The following MGST1 variants were observed in gnomAD, a reference collection of about 807,000 sequenced individuals.
MGST1 encodes microsomal glutathione S-transferase 1, also known as glutathione S-transferase 12.
In MGST1, 5 loss-of-function variants were observed where a neutral mutation model predicts 8.9. The observed-to-expected ratio is 0.56, with a 90% CI of 0.29 to 1.19. The LOEUF (loss-of-function observed/expected upper bound fraction) is 1.19, where lower values mean the gene tolerates loss of function less well. Ranked by LOEUF, MGST1 falls within the 50% of genes most tolerant of loss-of-function variation. MGST1 has a pLI of 0.08. For synonymous variants in MGST1, 54 were observed against 67.8 expected (o/e 0.80, Z 1.00); for missense variants, 182 against 187.4 (o/e 0.97, Z 0.17).
downstream of MGST1, among the ~76,000 whole-genome samples, chr12:16,367,881 G>C (rs1455393672): frequency 1.6e-5 from 2 of 125,184 alleles, no homozygotes; most frequent in Non-Finnish European, 1.5e-5. Flanking sequence ...GCTTGGATAG[G>C]TATAGTCAAT....
chr12:16,459,940 A>G (rs1941206310), intron 4 of MGST1, among the ~76,000 whole-genome samples: 1 of 152,138 alleles, frequency 6.6e-6, no homozygotes, highest in Non-Finnish European at 1.5e-5. Flanking sequence ...TATTTTAGAA[A>G]TCTGAATGCT....
chr12:16,468,339 A>G (rs1374588841), intron 4 of MGST1, among the ~76,000 whole-genome samples: 3 of 152,326 alleles, frequency 2.0e-5, no homozygotes, highest in African/African-American at 7.2e-5. Context: ...TTTTTCAAAC[A>G]TAGAAATTAT....
At chr12:16,583,096 C>T (rs1591809536) in intron 4 of MGST1, among the ~76,000 whole-genome samples, 1 of 146,880 alleles carries the variant, frequency 6.8e-6, no homozygotes, top group Non-Finnish European at 1.5e-5. Context: ...GCATCCAAGA[C>T]AGTAGAAAGC....
At chr12:16,572,710 A>G (rs1223422653) in intron 4 of MGST1, among the ~76,000 whole-genome samples, 1 of 148,084 alleles carries the variant, frequency 6.8e-6, no homozygotes, top group Non-Finnish European at 1.5e-5. Flanking sequence ...ATTATATATA[A>G]TTTAAATATA....
intron 1 of MGST1, among the ~76,000 whole-genome samples, chr12:16,436,159 CTA>C (rs1290240986): frequency 1.3e-5 from 2 of 151,858 alleles, no homozygotes; most frequent in Non-Finnish European, 2.9e-5. Flanking sequence ...ATAGAACAAG[CTA>C]TTTGCTTTTC....
At chr12:16,451,452 CA>C (rs904297372) in intron 4 of MGST1, among the ~76,000 whole-genome samples, 7 of 151,640 alleles carry the variant, frequency 4.6e-5, no homozygotes, top group Non-Finnish European at 2.9e-5. Flanking sequence ...AAGGAATTCT[CA>C]AAAAAACTTT....
chr12:16,451,312 C>T (rs1162913498), intron 4 of MGST1, among the ~76,000 whole-genome samples: 1 of 151,852 alleles, frequency 6.6e-6, no homozygotes, highest in Admixed American at 6.6e-5. Context: ...AACTAGGTCC[C>T]ATGAGGCTAA....
chr12:16,501,098 G>GA lies in MGST1; in HGVS notation n.483-88410dup, dbSNP rs71054822. Among the ~76,000 whole-genome samples the GA allele has an allele frequency of 6.9e-3, 575 of 83,566 alleles. 2 individuals are homozygous for GA. The highest frequency in any genetic ancestry group is 0.023 in the African/African-American group (416 of 18,322). 54.8% of individuals were successfully genotyped at this position (83,566 alleles called of 152,430 possible). On this transcript the variant is annotated intron_variant and non_coding_transcript_variant, in intron 4 of 4. Coordinates refer to the MGST1 transcript ENST00000538857. Reference sequence around the variant, plus strand: ...AGCCTGGTGACAGGGACTCTGTCTCGAAAAAAAAAAAAAAAAAAAAGAAAG... The same window carrying GA: ...AGCCTGGTGACAGGGACTCTGTCTCGAAAAAAAAAAAAAAAAAAAAAGAAAG...
At chr12:16,498,561 C>T (rs189021169) in intron 4 of MGST1, among the ~76,000 whole-genome samples, 2 of 152,308 alleles carry the variant, frequency 1.3e-5, no homozygotes, top group Non-Finnish European at 2.9e-5. Flanking sequence ...CATCTCTTCT[C>T]AGGTACAGTT....
intron 1 of MGST1, among the ~76,000 whole-genome samples, chr12:16,417,175 C>T (rs1027176057): frequency 6.6e-6 from 1 of 152,090 alleles, no homozygotes; most frequent in African/African-American, 2.4e-5. Context: ...CACAGTTCCA[C>T]ATGGCTGGGA....
intron 4 of MGST1, among the ~76,000 whole-genome samples, chr12:16,525,534 A>G (rs1941680473): frequency 6.8e-6 from 1 of 146,302 alleles, no homozygotes; most frequent in African/African-American, 2.5e-5. Context: ...TTCTTAATCC[A>G]GTCTATCATT....
At position 16,458,558 on chromosome 12, in the gene MGST1, T is replaced by C. The variant is rs895553304; in HGVS notation, n.482+74954T>C. Reference sequence around the variant, plus strand: ...TAGGAAGGGTGTTAGTTCACTTCATTGCTTTATCAATGAATCTTGGCTGTA... The same window carrying C: ...TAGGAAGGGTGTTAGTTCACTTCATCGCTTTATCAATGAATCTTGGCTGTA... On this transcript the variant is annotated intron_variant and non_coding_transcript_variant, in intron 4 of 4. Transcript: ENST00000538857. The surrounding 1 kb of genome is among the most constrained non-coding windows in gnomAD (Gnocchi z 4.0). Among the ~76,000 whole-genome samples the C allele has an allele frequency of 2.0e-5, 3 of 152,156 alleles. No individual in the cohort carries two copies. Among genetic ancestry groups the C allele is most frequent in the African/African-American group, 7.2e-5 (3 of 41,536 alleles).
At position 16,447,615 on chromosome 12, in the gene MGST1, G is replaced by T. The variant is rs143139782; in HGVS notation, n.482+64011G>T. On this transcript the variant is annotated intron_variant and non_coding_transcript_variant, in intron 4 of 4. Transcript: ENST00000538857. Reference sequence around the variant, plus strand: ...CGGGATACCAGGGATTCCTAGCAAGGGCCCCAAGCTTGGCATAATAGATTT... The same window carrying T: ...CGGGATACCAGGGATTCCTAGCAAGTGCCCCAAGCTTGGCATAATAGATTT... Among the ~76,000 whole-genome samples, 3 of 151,952 alleles carry T rather than the reference G, an allele frequency of 2.0e-5. No homozygotes were observed. The East Asian group carries it at 5.8e-4, about 30-fold the overall frequency.
intron 1 of MGST1, among the ~76,000 whole-genome samples, chr12:16,398,939 C>T (rs1163447447): frequency 6.6e-6 from 1 of 152,180 alleles, no homozygotes; most frequent in African/African-American, 2.4e-5. Flanking sequence ...GGAAATACAG[C>T]TTTGAGACAC....
rs146531833 is a variant in MGST1 at position 16,375,543 on chromosome 12, T to C, written c.222-579T>C. On this transcript the variant is annotated intron_variant, in intron 3 of 3. Transcript: ENST00000535309. ...ATGAAAACAATCTTTTCAGTAATAG[T>C]ATTATTATTGGTAGTAGTGTTGATA... Among the ~76,000 whole-genome samples, 424 of 152,086 alleles carry C rather than the reference T, an allele frequency of 2.8e-3. 3 individuals are homozygous for C. The highest frequency in any genetic ancestry group is 9.8e-3 in the African/African-American group (408 of 41,504).
downstream of MGST1, among the ~76,000 whole-genome samples, chr12:16,366,889 T>A (rs1252470997): frequency 1.3e-5 from 2 of 151,762 alleles, no homozygotes; most frequent in Non-Finnish European, 2.9e-5. The surrounding 1 kb of genome is among the most constrained non-coding windows in gnomAD (Gnocchi z 4.0). Flanking sequence ...ATGATGGGAG[T>A]TTTGGGGGCA....
At chr12:16,447,924 ATGAT>A in intron 4 of MGST1, among the ~76,000 whole-genome samples, 1 of 152,096 alleles carries the variant, frequency 6.6e-6, no homozygotes, top group East Asian at 1.9e-4. Flanking sequence ...GTCTCAATCA[ATGAT>A]TGCTGAATAA....
chr12:16,449,534 G>C (rs1309005466), intron 4 of MGST1, among the ~76,000 whole-genome samples: 11 of 151,912 alleles, frequency 7.2e-5, no homozygotes, highest in Non-Finnish European at 4.4e-5. Context: ...TTCATAGTTA[G>C]TGAAAGGTGT....
At chr12:16,578,589 G>T (rs1001033388) in intron 4 of MGST1, among the ~76,000 whole-genome samples, 1 of 152,074 alleles carries the variant, frequency 6.6e-6, no homozygotes, top group Non-Finnish European at 1.5e-5. Context: ...AGGCTGAGGC[G>T]GGTGGATCAC....
Sources: gnomAD v4.1 joint callset for allele counts (sites outside exome capture counted in the v4.1 genomes callset) on GRCh38, gnomAD v4.1.1 for gene constraint, Gnocchi (gnomAD v3.1) non-coding constraint, MANE v1.5 for transcripts, NCBI Gene and HGNC (gene_info 2026-07-23, HGNC 2026-07-21) for gene names.